ZMYND10: variants seen among roughly 807,000 people sequenced by gnomAD.
ZMYND10 encodes the protein zinc finger MYND-type containing 10.
A neutral mutation model predicts 62.6 loss-of-function variants in ZMYND10; 52 were observed. The observed-to-expected ratio is 0.83, with a 90% confidence interval of 0.67 to 1.05. The LOEUF is 1.05. Ranked by LOEUF, ZMYND10 falls within the 50% of genes least tolerant of loss-of-function variation. The pLI, the probability that ZMYND10 is intolerant of heterozygous loss-of-function variation, is 0.00. For missense variants in ZMYND10, 438 were observed against 543.3 expected (o/e 0.81, Z 1.93); for synonymous variants, 197 against 218.5 (o/e 0.90, Z 0.87).
rs1356086062 is a variant in ZMYND10 at position 50,345,508 on chromosome 3, T to C, written c.72A>G (p.Leu24=). The stretch of plus-strand genomic sequence containing the variant: ...CTCACCCTTCGGAGCCCATCTCGCG[T>C]AGCGGGAAGCTGCGCAGACCCCGCA... ...VLVRGLRSFP[L]REMGSEGWNQ... The change falls in exon 1 of 12, where the codon CTA becomes CTG. Residue 24 remains leucine, a synonymous_variant. Transcript: ENST00000231749. This position sits in a 1 kb window ranked among gnomAD's most constrained non-coding sequence, Gnocchi z 5.0. 4 of 1,607,388 alleles carry C rather than the reference T, an allele frequency of 2.5e-6. No homozygotes were observed. The highest frequency in any genetic ancestry group is 3.4e-6 in the Non-Finnish European group (4 of 1,177,540).
At position 50,341,866 on chromosome 3, in the gene ZMYND10, G is replaced by C; in HGVS notation, c.1065C>G (p.His355Gln). The C allele has an allele frequency of 6.2e-7, 1 of 1,614,176 alleles. No homozygotes were observed. Among genetic ancestry groups the C allele is most frequent in the Non-Finnish European group, 8.5e-7 (1 of 1,180,046 alleles). ...AGGGGCTGAACACATGCTGGAGCTG[G>C]TGCTTGGCAATTGCCTGCCACTTGC... ...NRGKWQAIAK[H>Q]QLQHVFSPSE... Residue 355 changes from histidine (H) to glutamine (Q), a missense_variant, in exon 10 of 12, where the codon CAC (histidine) becomes CAG (glutamine). Coordinates refer to ENST00000231749, the MANE Select transcript of ZMYND10 (RefSeq NM_015896.4).
chr3:50,345,332 CAG>C lies in ZMYND10; in HGVS notation c.93-102_93-101del, dbSNP rs757644161. The C allele has an allele frequency of 4.0e-6, 6 of 1,500,260 alleles. No individual in the cohort carries two copies. The highest frequency in any genetic ancestry group is 5.4e-6 in the Non-Finnish European group (6 of 1,103,332). 92.9% of individuals were successfully genotyped at this position (1,500,260 alleles called of 1,614,324 possible). Reference sequence around the variant, plus strand: ...AGCCTAACCTGATCCTGAGGGGACACAGGGGGCTCAGGAGCAGTAATACTCCT... The same window carrying C: ...AGCCTAACCTGATCCTGAGGGGACACGGGGCTCAGGAGCAGTAATACTCCT... On this transcript the variant is annotated intron_variant, in intron 1 of 11. Transcript: ENST00000231749. This position sits in a 1 kb window ranked among gnomAD's most constrained non-coding sequence, Gnocchi z 5.0.
In ZMYND10 at chr3:50,342,580, GA is replaced by G. The variant is rs1703419306; in HGVS notation, c.701-12del. 1.9e-6 allele frequency: 3 copies of G among 1,608,938 alleles called. No homozygotes were observed. The highest frequency in any genetic ancestry group is 1.3e-5 in the African/African-American group (1 of 74,822). On this transcript the variant is annotated splice_polypyrimidine_tract_variant and intron_variant, in intron 7 of 11. Coordinates refer to ENST00000231749, the MANE Select transcript of ZMYND10 (RefSeq NM_015896.4). ...ACTGCTGCAGCTTGCCTGGGGAGAG[GA>G]ACCAGCACACTGGGTGCAGACGTTG...
At position 50,341,249 on chromosome 3, in the gene ZMYND10, G is replaced by T. The variant is rs1703360315; in HGVS notation, c.*161C>A. ...AGGAAGTCTCGAGCCTTCACTTGGG[G>T]TGAGGAGGAGGGAGATCGGTCAGCA... On this transcript the variant is annotated 3_prime_UTR_variant, in exon 12 of 12. Transcript: ENST00000231749. The T allele has an allele frequency of 4.6e-6, 4 of 863,796 alleles. No homozygotes were observed. Among genetic ancestry groups the T allele is most frequent in the Non-Finnish European group, 7.1e-6 (4 of 562,432 alleles). The allele number at this position is 863,796 out of a possible 1,614,324, so 53.5% of individuals were successfully genotyped here.
At chr3:50,344,109 GCAC>G (rs1215535465) in intron 2 of ZMYND10, 1 of 492,786 alleles carries the variant, frequency 2.0e-6, no homozygotes, top group Non-Finnish European at 3.7e-6. Flanking sequence ...TGCCCTGCCT[GCAC>G]CTGCACCCTT....
chr3:50,342,296 G>T, intron 8 of ZMYND10, 101 bp downstream of exon 8: 1 of 1,562,402 alleles, frequency 6.4e-7, no homozygotes, highest in Non-Finnish European at 8.7e-7. Context: ...AGAGCACTGG[G>T]GTTGAGGTGG....
rs1412503026 is a variant in ZMYND10, at chr3:50,345,377, T to C, written c.92+111A>G. 5.3e-6 allele frequency: 8 copies of C among 1,507,490 alleles called. No homozygotes were observed. The highest frequency in any genetic ancestry group is 1.4e-5 in the African/African-American group (1 of 72,228). The allele number at this position is 1,507,490 out of a possible 1,614,324, so 93.4% of individuals were successfully genotyped here. A position where few individuals can be genotyped will look rare whatever the true frequency, so the allele number is the denominator to read the frequency against. ...ATACTCCTGTCTCGGAACGCTCTGC[T>C]CCCCCATTTGGGAGCCCCTCCACAC... On this transcript the variant is annotated intron_variant, in intron 1 of 11. Coordinates refer to ENST00000231749, the MANE Select transcript of ZMYND10 (RefSeq NM_015896.4). The surrounding 1 kb of genome is among the most constrained non-coding windows in gnomAD (Gnocchi z 5.0).
chr3:50,345,403 T>C lies in ZMYND10; in HGVS notation c.92+85A>G. 1 of 1,533,194 alleles carries C rather than the reference T, an allele frequency of 6.5e-7. No individual in the cohort carries two copies. Among genetic ancestry groups the C allele is most frequent in the Non-Finnish European group, 8.8e-7 (1 of 1,134,466 alleles). 95.0% of individuals were successfully genotyped at this position (1,533,194 alleles called of 1,614,324 possible). The stretch of plus-strand genomic sequence containing the variant: ...CCCCCATTTGGGAGCCCCTCCACAC[T>C]GGGCAGCCCCTCCCCCGAGTCAGGC... On this transcript the variant is annotated intron_variant, in intron 1 of 11. Transcript: ENST00000231749. This position sits in a 1 kb window ranked among gnomAD's most constrained non-coding sequence, Gnocchi z 5.0.
rs139448662 is a variant in ZMYND10 at position 50,344,007 on chromosome 3, A to C, written c.202-157T>G. 291 of 640,934 alleles carry C rather than the reference A, an allele frequency of 4.5e-4. 1 individual carries two copies. Among genetic ancestry groups the C allele is most frequent in the African/African-American group, 4.5e-3 (248 of 54,856 alleles). The allele number at this position is 640,934 out of a possible 1,614,324, so 39.7% of individuals were successfully genotyped here. On this transcript the variant is annotated intron_variant, in intron 2 of 11. Transcript: ENST00000231749. ...GTATCCTTCCTGACTTCTCTCTTGC[A>C]CCTTGGACCTTCATTACCAGCTGCT...
intron 6 of ZMYND10, 42 bp from the exon 7 acceptor site, chr3:50,343,060 C>T: frequency 6.2e-7 from 1 of 1,613,898 alleles, no homozygotes; most frequent in South Asian, 1.1e-5. Flanking sequence ...TAGAGGCAGG[C>T]TACAGGCCCG....
chr3:50,343,113 C>G lies in ZMYND10; in HGVS notation c.599+5G>C, dbSNP rs1703439832. On this transcript the variant is annotated splice_donor_5th_base_variant and intron_variant, in intron 6 of 11. Transcript: ENST00000231749. Reference sequence around the variant, plus strand: ...AGTAGGCCCAGGCCCAGTCGGACTGCTCACCTGTCCACACAGTCTGTGATG... The same window carrying G: ...AGTAGGCCCAGGCCCAGTCGGACTGGTCACCTGTCCACACAGTCTGTGATG... 6.2e-7 allele frequency: 1 copy of G among 1,614,090 alleles called. No homozygotes were observed. Among genetic ancestry groups the G allele is most frequent in the African/African-American group, 1.3e-5 (1 of 74,928 alleles).
Position 50,345,529 on chromosome 3 carries a change from C to T in ZMYND10, c.51G>A (p.Arg17=), listed in dbSNP as rs1164863887. Residue 17 remains arginine (R), a synonymous_variant, in exon 1 of 12, where the codon CGG becomes CGA. Transcript: ENST00000231749. The surrounding 1 kb of genome is among the most constrained non-coding windows in gnomAD (Gnocchi z 5.0). ...CGCGTAGCGGGAAGCTGCGCAGACCCCGCACCAGCACTTCAGCTTCCCCGG... is the reference window on the plus strand; with the variant it reads ...CGCGTAGCGGGAAGCTGCGCAGACCTCGCACCAGCACTTCAGCTTCCCCGG... ...LLPGEAEVLV[R]GLRSFPLREM... is the part of the protein sequence containing the mutation. 1.2e-6 allele frequency: 2 copies of T among 1,609,896 alleles called. No individual in the cohort carries two copies. Among genetic ancestry groups the T allele is most frequent in the South Asian group, 2.2e-5 (2 of 90,134 alleles).
chr3:50,342,557 TG>T lies in ZMYND10; in HGVS notation c.712del (p.Gln238SerfsTer18), dbSNP rs763840888. 6.2e-7 allele frequency: 1 copy of T among 1,612,554 alleles called. No individual in the cohort carries two copies. The highest frequency in any genetic ancestry group is 1.7e-5 in the Admixed American group (1 of 59,968). ...AGTATGCCAACGGCTGCCCTCGAAC[TG>T]CTGCAGCTTGCCTGGGGAGAGGAAC... ...WSRREGGKLQQFEGSRWHTVA... is the reference protein window; with the variant it reads ...WSRREGGKLQXFEGSRWHTVA... On this transcript the variant is annotated frameshift_variant, in exon 8 of 12. Coordinates refer to ENST00000231749, the MANE Select transcript of ZMYND10 (RefSeq NM_015896.4). LOFTEE classifies it high-confidence loss of function.
In ZMYND10 at chr3:50,345,170, A is replaced by C. The variant is rs141884144; in HGVS notation, c.155T>G (p.Val52Gly). 6.3e-5 allele frequency: 102 copies of C among 1,613,894 alleles called. No individual in the cohort carries two copies. Among genetic ancestry groups the C allele is most frequent in the Admixed American group, 8.3e-5 (5 of 59,992 alleles). ...CTCCTGAATGGGCTCGCCCTGGCTG[A>C]CTGTGGCATCGAGGATGGCTTGCAT... ...LNMQAILDAT[V>G]SQGEPIQELL... The change falls in exon 2 of 12, where the codon GTC becomes GGC. Residue 52 changes from valine to glycine, a missense_variant. Coordinates refer to ENST00000231749, the MANE Select transcript of ZMYND10 (RefSeq NM_015896.4). This position sits in a 1 kb window ranked among gnomAD's most constrained non-coding sequence, Gnocchi z 5.0.
In ZMYND10 at chr3:50,345,519, T is replaced by C. The variant is rs1015750986; in HGVS notation, c.61A>G (p.Ser21Gly). 3 of 1,609,194 alleles carry C rather than the reference T, an allele frequency of 1.9e-6. No individual in the cohort carries two copies. ...EAEVLVRGLRSFPLREMGSEG... is the reference protein window; with the variant it reads ...EAEVLVRGLRGFPLREMGSEG... ...GAGCCCATCTCGCGTAGCGGGAAGC[T>C]GCGCAGACCCCGCACCAGCACTTCA... Residue 21 changes from serine to glycine, a missense_variant, in exon 1 of 12, where the codon AGC becomes GGC. Ser to Gly is a moderately conservative substitution (Grantham distance 56, BLOSUM62 0). Coordinates refer to ENST00000231749, the MANE Select transcript of ZMYND10 (RefSeq NM_015896.4). The surrounding 1 kb of genome is among the most constrained non-coding windows in gnomAD (Gnocchi z 5.0).
rs11550433 is a variant in ZMYND10 at position 50,343,591 on chromosome 3, T to C, written c.344A>G (p.Asn115Ser). Residue 115 changes from asparagine (N) to serine (S), a missense_variant, in exon 4 of 12, where the codon AAC becomes AGC. By Grantham distance (46) the Asn-to-Ser change is conservative (BLOSUM62 1). Coordinates refer to ENST00000231749, the MANE Select transcript of ZMYND10 (RefSeq NM_015896.4). ...GTGGAAGAACACTGTCTCCAAGAGGTTGATGATGGAGGCCTCGTGGTGCAC... is the reference window on the plus strand; with the variant it reads ...GTGGAAGAACACTGTCTCCAAGAGGCTGATGATGGAGGCCTCGTGGTGCAC... Reference protein sequence around the residue: ...MVVHHEASIINLLETVFFHKE... With the variant: ...MVVHHEASIISLLETVFFHKE... 8 of 1,613,874 alleles carry C rather than the reference T, an allele frequency of 5.0e-6. No individual in the cohort carries two copies. Among genetic ancestry groups the C allele is most frequent in the Non-Finnish European group, 5.9e-6 (7 of 1,179,998 alleles).
intron 2 of ZMYND10, chr3:50,344,923 A>C (rs587635468): frequency 5.4e-6 from 3 of 558,876 alleles, no homozygotes; most frequent in Non-Finnish European, 9.7e-6. Flanking sequence ...TCCCTAATCA[A>C]CTCATGCCCT....
chr3:50,341,904 G>T lies in ZMYND10; in HGVS notation c.1027C>A (p.Arg343=). 1 of 1,614,180 alleles carries T rather than the reference G, an allele frequency of 6.2e-7. No individual in the cohort carries two copies. Among genetic ancestry groups the T allele is most frequent in the Non-Finnish European group, 8.5e-7 (1 of 1,180,026 alleles). The change falls in exon 10 of 12, where the codon CGA becomes AGA. Residue 343 remains arginine, a synonymous_variant. Transcript: ENST00000231749. ...GCCTGCCACTTGCCTCTGTTTTCTC[G>T]CTCCAGCCGCTCCCAGATTTCTGGG... The part of the protein sequence containing the change: ...QIPEIWERLE[R]ENRGKWQAIA...
rs1703447826 is a variant in ZMYND10 at position 50,343,368 on chromosome 3, G to T, written c.449C>A (p.Ala150Asp). ...YCHRKLTLLV[A>D]QSGCGGPPEG... ...AGGGGGGCCACCACAGCCACTCTGG[G>T]CCACCAGCAGGGTCAGTTTGCGGTG... is the stretch of plus-strand genomic sequence containing the variant. The change falls in exon 5 of 12, where the codon GCC (alanine) becomes GAC (aspartate). Residue 150 changes from alanine (A) to aspartate (D), a missense_variant. By Grantham distance (126) the Ala-to-Asp change is moderately radical (BLOSUM62 -2). Transcript: ENST00000231749. 6.2e-7 allele frequency: 1 copy of T among 1,613,630 alleles called. No individual in the cohort carries two copies. Among genetic ancestry groups the T allele is most frequent in the Non-Finnish European group, 8.5e-7 (1 of 1,179,762 alleles).
Sources: gnomAD v4.1 joint callset for allele counts on GRCh38, gnomAD v4.1.1 for gene constraint, Gnocchi (gnomAD v3.1) non-coding constraint, MANE v1.5 for transcripts, NCBI Gene and HGNC (gene_info 2026-07-23, HGNC 2026-07-21) for gene names.